Variants in NUP188 observed in about 807,000 individuals in gnomAD.
NUP188 encodes the protein nucleoporin NUP188.
NUP188 carries 97 observed loss-of-function variants against 223.0 expected under a neutral mutation model. The observed-to-expected ratio is 0.43, with a 90% CI of 0.37 to 0.51. The LOEUF is 0.51. Ranked by LOEUF, NUP188 falls within the 20% of genes least tolerant of loss-of-function variation. The probability of loss-of-function intolerance (pLI) is 0.00; values close to 1 mark genes in which losing one functional copy is unlikely to be tolerated. For synonymous variants in NUP188, 869 were observed against 828.0 expected (o/e 1.05, Z -0.85); for missense variants, 1,947 against 2,175.6 (o/e 0.89, Z 2.09).
chr9:128,988,060 G>C lies in NUP188; in HGVS notation c.2407G>C (p.Gly803Arg), dbSNP rs1337324460. The change falls in exon 24 of 44, where the codon GGC (glycine) becomes CGC (arginine). Residue 803 changes from glycine (G) to arginine (R), a missense_variant. By Grantham distance (125) the Gly-to-Arg change is moderately radical. Transcript: ENST00000372577. ...TTGGCACCCTAGTGATGGGGCAGAG[G>C]GCCAGGGGCAGGGCCAGCTGCTGAT... The part of the protein sequence containing the change: ...AAQPRSDGAE[G>R]QGQGQLLIKT... 6.2e-7 allele frequency: 1 copy of C among 1,614,082 alleles called. No individual in the cohort carries two copies. The highest frequency in any genetic ancestry group is 8.5e-7 in the Non-Finnish European group (1 of 1,180,032).
chr9:129,001,650 T>G lies in NUP188; in HGVS notation c.3965T>G (p.Val1322Gly), dbSNP rs145507691. 6.2e-7 allele frequency: 1 copy of G among 1,613,790 alleles called. No individual in the cohort carries two copies. Among genetic ancestry groups the G allele is most frequent in the Non-Finnish European group, 8.5e-7 (1 of 1,179,942 alleles). ...ILPTLLTTLE[V>G]SLRMKQNLHF... is the part of the protein sequence containing the mutation. ...CCCACCCTCCTCACCACTCTAGAGG[T>G]GAGCCTTCGCATGAAGCAGAACCTG... is the stretch of plus-strand genomic sequence containing the variant. The change falls in exon 35 of 44, where the codon GTG becomes GGG. Residue 1322 changes from valine (V) to glycine (G), a missense_variant. By Grantham distance (109) the Val-to-Gly change is moderately radical (BLOSUM62 -3). Coordinates refer to ENST00000372577, the MANE Select transcript of NUP188 (RefSeq NM_015354.3).
In NUP188 at chr9:129,005,375, GC is replaced by G. The variant is rs750074539; in HGVS notation, c.4587del (p.Ser1530ProfsTer63). ...GAGGCCACCGTCTGCTGCTTCTGCT[GC>G]CCCCTCCTCCTCAAAGCAGCCCGCT... ...VQRPPSAASA[A>X]PSSSKQPAAD... On this transcript the variant is annotated frameshift_variant, in exon 40 of 44. Transcript: ENST00000372577. LOFTEE classifies it high-confidence loss of function. The G allele has an allele frequency of 6.2e-7, 1 of 1,613,390 alleles. No individual in the cohort carries two copies. The highest frequency in any genetic ancestry group is 8.5e-7 in the Non-Finnish European group (1 of 1,180,036).
intron 3 of NUP188, among the ~76,000 whole-genome samples, chr9:128,955,688 C>T (rs781325381): frequency 6.6e-6 from 1 of 151,390 alleles, no homozygotes; most frequent in African/African-American, 2.4e-5. Flanking sequence ...ACTTTGGTTT[C>T]TTAAGCCCTT....
chr9:129,003,644 C>A, intron 38 of NUP188, 190 bp downstream of exon 38: 1 of 723,292 alleles, frequency 1.4e-6, no homozygotes, highest in Non-Finnish European at 2.4e-6. Context: ...CAAGGGCAGC[C>A]ATGTAGGTTA....
intron 25 of NUP188, among the ~76,000 whole-genome samples, chr9:128,990,680 C>T (rs951837368): frequency 7.2e-5 from 11 of 152,184 alleles, no homozygotes; most frequent in African/African-American, 2.2e-4. Context: ...CTGGCTAATA[C>T]GGTGAAACCC....
intron 19 of NUP188, 29 bp from the exon 20 acceptor site, chr9:128,984,871 A>AT (rs762826253): frequency 6.0e-5 from 88 of 1,474,714 alleles, no homozygotes; most frequent in South Asian, 2.3e-4. Flanking sequence ...TTTCCCTATC[A>AT]TTTTTTTTCC....
At chr9:128,949,952 G>A (rs1467041739) in intron 2 of NUP188, among the ~76,000 whole-genome samples, 3 of 140,660 alleles carry the variant, frequency 2.1e-5, no homozygotes, top group African/African-American at 8.1e-5. Context: ...TTTGAGGGGG[G>A]TGTCTTGCTC....
At position 128,993,548 on chromosome 9, in the gene NUP188, C is replaced by T; in HGVS notation, c.2871C>T (p.Ser957=). ...GSKEFSLGMW[S]CLHAVLELID... The stretch of plus-strand genomic sequence containing the variant: ...AGGAATTCAGCCTTGGGATGTGGAG[C>T]TGTCTCCATGCAGTGCTGGAGCTGA... The change falls in exon 27 of 44, where the codon AGC becomes AGT. Residue 957 remains serine (S), a synonymous_variant. Coordinates refer to ENST00000372577, the MANE Select transcript of NUP188 (RefSeq NM_015354.3). The T allele has an allele frequency of 6.2e-7, 1 of 1,614,156 alleles. No homozygotes were observed. The highest frequency in any genetic ancestry group is 2.2e-5 in the East Asian group (1 of 44,880).
At chr9:128,958,130 T>TG (rs1554827792) in intron 6 of NUP188, 76 bp downstream of exon 6, 1 of 1,174,572 alleles carries the variant, frequency 8.5e-7, no homozygotes, top group African/African-American at 1.5e-5. Flanking sequence ...TCCTGAGCAT[T>TG]GCTGGCTTTT....
intron 30 of NUP188, among the ~76,000 whole-genome samples, chr9:128,996,839 A>C (rs1842535570): frequency 6.6e-6 from 1 of 152,178 alleles, no homozygotes. Flanking sequence ...AAGAAAAAAA[A>C]AGAGAAAGAA....
chr9:128,983,537 A>G lies in NUP188; in HGVS notation c.1948A>G (p.Ser650Gly). The change falls in exon 19 of 44, where the codon AGT (serine) becomes GGT (glycine). Residue 650 changes from serine to glycine, a missense_variant. By Grantham distance (56) the Ser-to-Gly change is moderately conservative. Around this residue, in one of 3 missense-constraint regions of NUP188, gnomAD observed 817 missense variants for 865.8 expected, o/e 0.94. Transcript: ENST00000372577. The part of the protein sequence containing the change: ...PFVAHPVSSL[S>G]QMISAEGMNA... ...TGTGGCCCATCCTGTCTCCAGCCTG[A>G]GTCAGATGATTAGGTGAGCCAAGTC... The G allele has an allele frequency of 6.2e-7, 1 of 1,613,908 alleles. No homozygotes were observed. The highest frequency in any genetic ancestry group is 1.1e-5 in the South Asian group (1 of 91,044).
chr9:128,985,710 C>T (rs369365377), intron 20 of NUP188, among the ~76,000 whole-genome samples: 92 of 152,294 alleles, frequency 6.0e-4, no homozygotes, highest in African/African-American at 2.1e-3. Flanking sequence ...ACTATACTTC[C>T]TGCCTGCAGG....
rs1330882258 is a variant in NUP188, at chr9:128,970,870, T to C, written c.1025T>C (p.Val342Ala). 2 of 1,614,086 alleles carry C rather than the reference T, an allele frequency of 1.2e-6. No homozygotes were observed. Among genetic ancestry groups the C allele is most frequent in the Middle Eastern group, 1.6e-4 (1 of 6,062 alleles). Residue 342 changes from valine (V) to alanine (A), a missense_variant, in exon 11 of 44, where the codon GTC becomes GCC. Val to Ala is a moderately conservative substitution (Grantham distance 64). Coordinates refer to ENST00000372577, the MANE Select transcript of NUP188 (RefSeq NM_015354.3). ...AACCCAGAAGAGACAAGCAGTGTGG[T>C]CCGGAAGATAGGTGGCACAGCCATC... ...TLNPEETSSV[V>A]RKIGGTAIQL...
At chr9:128,980,791 T>A (rs1842243573) in intron 14 of NUP188, 66 bp downstream of exon 14, 1 of 1,552,886 alleles carries the variant, frequency 6.4e-7, no homozygotes, top group African/African-American at 1.4e-5. Context: ...ATTAGGAATC[T>A]TTTTTGCTTT....
chr9:129,005,255 C>G, intron 39 of NUP188, 34 bp downstream of exon 39: 1 of 1,613,088 alleles, frequency 6.2e-7, no homozygotes, highest in Non-Finnish European at 8.5e-7. Context: ...CCTGGAATAC[C>G]TCACGCTAGC....
At position 128,970,893 on chromosome 9, in the gene NUP188, A is replaced by G. The variant is rs774020926; in HGVS notation, c.1048A>G (p.Ile350Val). Reference protein sequence around the residue: ...SVVRKIGGTAIQLNVFQYLTR... With the variant: ...SVVRKIGGTAVQLNVFQYLTR... Reference sequence around the variant, plus strand: ...GGTCCGGAAGATAGGTGGCACAGCCATCCAGCTGAATGTGTTTCAGTACTT... The same window carrying G: ...GGTCCGGAAGATAGGTGGCACAGCCGTCCAGCTGAATGTGTTTCAGTACTT... Residue 350 changes from isoleucine to valine, a missense_variant, in exon 11 of 44, where the codon ATC (isoleucine) becomes GTC (valine). By Grantham distance (29) the Ile-to-Val change is conservative. This residue lies in a region of NUP188 where 817 missense variants were observed against 865.8 expected (regional missense o/e 0.94). Transcript: ENST00000372577. 1.9e-5 allele frequency: 30 copies of G among 1,614,012 alleles called. No individual in the cohort carries two copies. The highest frequency in any genetic ancestry group is 1.6e-4 in the Middle Eastern group (1 of 6,084).
Position 128,993,621 on chromosome 9 carries a change from C to T in NUP188, c.2944C>T (p.Arg982Cys), listed in dbSNP as rs148734941. The change falls in exon 27 of 44, where the codon CGT becomes TGT. Residue 982 changes from arginine (R) to cysteine (C), a missense_variant. Around this residue, in one of 3 missense-constraint regions of NUP188, gnomAD observed 905 missense variants for 990.6 expected, o/e 0.91. Coordinates refer to ENST00000372577, the MANE Select transcript of NUP188 (RefSeq NM_015354.3). ...ATACTGGTGCCCACCCCTGCTGCAT[C>T]GTGCCGCCATTGCCTTTTTGCATGC... ...DRYWCPPLLH[R>C]AAIAFLHALW... is the part of the protein sequence containing the mutation. The T allele has an allele frequency of 5.0e-6, 8 of 1,614,226 alleles. No individual in the cohort carries two copies. Among genetic ancestry groups the T allele is most frequent in the Admixed American group, 3.3e-5 (2 of 60,022 alleles).
In NUP188 at chr9:128,968,669, A is replaced by G. The variant is rs747280522; in HGVS notation, c.749A>G (p.Asn250Ser). ...KEQGFGSRQT[N>S]RHLVDETMDP... Reference sequence around the variant, plus strand: ...CAAGGATTTGGTAGTAGGCAGACCAATAGGCACCTGGTGGATGAGACTATG... The same window carrying G: ...CAAGGATTTGGTAGTAGGCAGACCAGTAGGCACCTGGTGGATGAGACTATG... Residue 250 changes from asparagine to serine, a missense_variant, in exon 9 of 44, where the codon AAT becomes AGT. Asn to Ser is a conservative substitution (Grantham distance 46). Coordinates refer to ENST00000372577, the MANE Select transcript of NUP188 (RefSeq NM_015354.3). 3.7e-5 allele frequency: 59 copies of G among 1,614,196 alleles called. No individual in the cohort carries two copies. The highest frequency in any genetic ancestry group is 3.4e-4 in the South Asian group (31 of 91,084).
At chr9:128,956,717 C>T (rs1333926556) in intron 4 of NUP188, among the ~76,000 whole-genome samples, 1 of 152,050 alleles carries the variant, frequency 6.6e-6, no homozygotes, top group Non-Finnish European at 1.5e-5. Context: ...TATTAATGTG[C>T]TTAGTGAATA....
Sources: allele counts gnomAD v4.1 joint callset (sites outside exome capture counted in the v4.1 genomes callset), GRCh38; gene constraint gnomAD v4.1.1; regional missense constraint gnomAD v4.1.1; transcripts MANE v1.5; gene names NCBI Gene and HGNC (gene_info 2026-07-23, HGNC 2026-07-21).